NSUN3: variants seen among roughly 807,000 people sequenced by gnomAD.
NSUN3 encodes tRNA (cytosine(34)-C(5))-methyltransferase, mitochondrial.
NSUN3 carries 24 observed loss-of-function variants against 36.8 expected under a neutral mutation model. The observed-to-expected ratio is 0.65, with a 90% CI of 0.47 to 0.92. NSUN3 has a LOEUF of 0.92. NSUN3 is among the 40% of genes least tolerant of loss of function. The pLI, the probability that NSUN3 is intolerant of heterozygous loss-of-function variation, is 0.00. For synonymous variants in NSUN3, 146 were observed against 145.2 expected (o/e 1.01, Z -0.04); for missense variants, 381 against 392.8 (o/e 0.97, Z 0.25).
intron 5 of NSUN3, among the ~76,000 whole-genome samples, chr3:94,120,078 T>C (rs2077455099): frequency 6.6e-6 from 1 of 152,364 alleles, no homozygotes; most frequent in East Asian, 1.9e-4. Context: ...ATTATGAGGC[T>C]TCTATGTACT....
At chr3:94,064,407 T>C in intron 1 of NSUN3, 30 bp from the exon 2 acceptor site, 1 of 1,332,208 alleles carries the variant, frequency 7.5e-7, no homozygotes. Flanking sequence ...AATATCACTG[T>C]GTGTCAGCAA....
At position 94,130,303 on chromosome 3, in the gene NSUN3, C is replaced by G. The variant is rs923512717; in HGVS notation, c.*3813C>G. ...CCAGCTTTAACATTTTTATGACATC[C>G]TAGTAATAGCAGACCCTGCACAAAG... On this transcript the variant is annotated 3_prime_UTR_variant, in exon 6 of 6. Transcript: ENST00000314622. 1.3e-5 allele frequency among the ~76,000 whole-genome samples: 2 copies of G among 152,080 alleles called. No individual in the cohort carries two copies. The highest frequency in any genetic ancestry group is 2.9e-5 in the Non-Finnish European group (2 of 68,020).
At chr3:94,106,501 C>T (rs2077389473) in intron 5 of NSUN3, among the ~76,000 whole-genome samples, 1 of 152,170 alleles carries the variant, frequency 6.6e-6, no homozygotes, top group South Asian at 2.1e-4. Context: ...ACTTTTAAAA[C>T]TGATGACGGC....
rs1198298383 is a variant in NSUN3, at chr3:94,076,751, G to A, written c.123-7356G>A. On this transcript the variant is annotated intron_variant, in intron 2 of 5. Coordinates refer to ENST00000314622, the MANE Select transcript of NSUN3 (RefSeq NM_022072.5). The stretch of plus-strand genomic sequence containing the variant: ...AACATCACTGGAAGGAGTCTTTGTT[G>A]TGATAATACAAGGATTCTGGGGCAT... The A allele has an allele frequency of 3.1e-5, 46 of 1,464,844 alleles. No individual in the cohort carries two copies. In the South Asian group the frequency reaches 5.1e-4, roughly 16 times the overall value. 90.7% of individuals were successfully genotyped at this position (1,464,844 alleles called of 1,614,324 possible).
chr3:94,107,061 G>T (rs182580987), intron 5 of NSUN3, among the ~76,000 whole-genome samples: 1 of 151,848 alleles, frequency 6.6e-6, no homozygotes, highest in East Asian at 1.9e-4. Flanking sequence ...TCCCACCTCA[G>T]CCTCCCAAGT....
chr3:94,126,550 G>T lies in NSUN3; in HGVS notation c.*60G>T, dbSNP rs750084881. On this transcript the variant is annotated 3_prime_UTR_variant, in exon 6 of 6. Coordinates refer to ENST00000314622, the MANE Select transcript of NSUN3 (RefSeq NM_022072.5). ...ATTTATATTTCTGAACTCAGTACAT[G>T]TTAATATTTAAATAATTATGCAGTA... 4.2e-4 allele frequency: 597 copies of T among 1,430,606 alleles called. No homozygotes were observed. The highest frequency in any genetic ancestry group is 5.3e-4 in the Non-Finnish European group (554 of 1,051,806). The allele number at this position is 1,430,606 out of a possible 1,614,324, so 88.6% of individuals were successfully genotyped here.
intron 3 of NSUN3, among the ~76,000 whole-genome samples, chr3:94,088,912 A>C (rs902587959): frequency 2.6e-5 from 4 of 152,122 alleles, no homozygotes; most frequent in Admixed American, 2.0e-4. Context: ...CAGGCGATCC[A>C]CCGGCCTCGG....
At chr3:94,064,241 AATT>A in intron 1 of NSUN3, 193 bp from the exon 2 acceptor site, 1 of 562,904 alleles carries the variant, frequency 1.8e-6, no homozygotes. Flanking sequence ...TTTGGAAAAT[AATT>A]ATTTGGAAAA....
At chr3:94,125,609 C>T (rs1340971048) in intron 5 of NSUN3, among the ~76,000 whole-genome samples, 1 of 152,148 alleles carries the variant, frequency 6.6e-6, no homozygotes, top group East Asian at 1.9e-4. Context: ...TATTTTTACT[C>T]CCATCGATTT....
Position 94,074,162 on chromosome 3 carries a change from A to C in NSUN3, c.122+9616A>C, listed in dbSNP as rs575603614. Among the ~76,000 whole-genome samples the C allele has an allele frequency of 5.1e-4, 77 of 152,098 alleles. 1 individual carries two copies. In the Middle Eastern group the frequency reaches 0.01, roughly 20 times the overall value. ...CTGTTCTGTTCCATTGGTTGTATAT[A>C]TCTGTTTTGGTACCAGTTCCATGCC... On this transcript the variant is annotated intron_variant, in intron 2 of 5. Coordinates refer to ENST00000314622, the MANE Select transcript of NSUN3 (RefSeq NM_022072.5).
At chr3:94,090,634 A>G (rs368744474) in intron 3 of NSUN3, among the ~76,000 whole-genome samples, 1 of 152,062 alleles carries the variant, frequency 6.6e-6, no homozygotes, top group Admixed American at 6.5e-5. Flanking sequence ...ACCCTAACCA[A>G]CCCCCCTTAA....
intron 5 of NSUN3, among the ~76,000 whole-genome samples, chr3:94,103,143 T>C (rs1216798871): frequency 3.3e-5 from 5 of 152,106 alleles, no homozygotes; most frequent in Admixed American, 3.3e-4. Context: ...TTCCTTGGCC[T>C]CCCAAAGTGC....
At chr3:94,083,458 G>A (rs948666696) in intron 2 of NSUN3, among the ~76,000 whole-genome samples, 1 of 152,190 alleles carries the variant, frequency 6.6e-6, no homozygotes, top group Admixed American at 6.5e-5. Context: ...TCATGTAAAT[G>A]ATGTGGTGGC....
chr3:94,094,329 C>T, intron 4 of NSUN3, 35 bp downstream of exon 4: 2 of 1,565,956 alleles, frequency 1.3e-6, no homozygotes, highest in African/African-American at 2.7e-5. Flanking sequence ...CTGATGGACG[C>T]CCAGTAATAC....
intron 2 of NSUN3, among the ~76,000 whole-genome samples, chr3:94,073,813 A>G (rs1471665420): frequency 6.6e-6 from 1 of 152,004 alleles, no homozygotes. Flanking sequence ...ATTAGATCCC[A>G]TTTGTCAATT....
chr3:94,125,999 G>A (rs901607501), intron 5 of NSUN3, among the ~76,000 whole-genome samples: 5 of 151,848 alleles, frequency 3.3e-5, no homozygotes, highest in Non-Finnish European at 7.4e-5. Flanking sequence ...GGCAGTCATC[G>A]CAGTGAGCCG....
At chr3:94,126,154 C>G in intron 5 of NSUN3, 57 bp from the exon 6 acceptor site, 2 of 1,456,496 alleles carry the variant, frequency 1.4e-6, no homozygotes, top group Non-Finnish European at 1.9e-6. Flanking sequence ...TGTCAGACCC[C>G]CTGGTTTCTT....
intron 5 of NSUN3, among the ~76,000 whole-genome samples, chr3:94,095,886 A>G (rs1314772561): frequency 6.7e-5 from 10 of 150,234 alleles, no homozygotes; most frequent in Non-Finnish European, 1.0e-4. Context: ...AGTTAGGATT[A>G]CAGGTGTGCG....
At chr3:94,097,983 G>A (rs903312616) in intron 5 of NSUN3, among the ~76,000 whole-genome samples, 1 of 151,876 alleles carries the variant, frequency 6.6e-6, no homozygotes, top group African/African-American at 2.4e-5. Flanking sequence ...TTACCGATCC[G>A]AGATCTCCAG....
Sources: allele counts gnomAD v4.1 joint callset (sites outside exome capture counted in the v4.1 genomes callset), GRCh38; gene constraint gnomAD v4.1.1; transcripts MANE v1.5; gene names NCBI Gene and HGNC (gene_info 2026-07-23, HGNC 2026-07-21).